SRBD1: variants seen among roughly 807,000 people sequenced by gnomAD.
SRBD1 encodes S1 RNA binding domain 1.
Under a neutral mutation model 115.3 loss-of-function variants are expected in SRBD1, and 88 were observed. The observed-to-expected ratio is 0.76, with a 90% CI of 0.64 to 0.91. The LOEUF (loss-of-function observed/expected upper bound fraction) is 0.91, where lower values mean the gene tolerates loss of function less well. Among genes scored for constraint, SRBD1 ranks in the 40% least tolerant of loss-of-function variants. SRBD1 has a pLI of 0.00. For missense variants in SRBD1, 1,385 were observed against 1,177.4 expected (o/e 1.18, Z -2.58); for synonymous variants, 509 against 407.7 (o/e 1.25, Z -2.99).
At chr2:45,505,091 A>G (rs1023720146) in intron 14 of SRBD1, among the ~76,000 whole-genome samples, 1 of 152,174 alleles carries the variant, frequency 6.6e-6, no homozygotes, top group South Asian at 2.1e-4. Flanking sequence ...TGCACTCTCA[A>G]AAATAAATGA....
intron 9 of SRBD1, among the ~76,000 whole-genome samples, chr2:45,568,294 G>A (rs867703862): frequency 4.1e-4 from 63 of 152,316 alleles, no homozygotes; most frequent in African/African-American, 1.5e-3. Context: ...AGTACTTGGA[G>A]AGAGTTCCAC....
At chr2:45,408,008 G>T (rs1667486326) in intron 19 of SRBD1, among the ~76,000 whole-genome samples, 1 of 152,060 alleles carries the variant, frequency 6.6e-6, no homozygotes, top group Admixed American at 6.6e-5. Context: ...AACATGAAAA[G>T]AAAGACATAA....
chr2:45,540,922 G>A (rs1010841208), intron 14 of SRBD1, among the ~76,000 whole-genome samples: 8 of 152,222 alleles, frequency 5.3e-5, no homozygotes, highest in Admixed American at 2.0e-4. Context: ...CTAGTGTTAC[G>A]GAATCCTTAG....
chr2:45,447,615 C>A (rs1270561661), intron 16 of SRBD1: 1 of 152,274 alleles, frequency 6.6e-6, no homozygotes, highest in Middle Eastern at 3.4e-3. Flanking sequence ...AAATTGGTTT[C>A]TTTTGCCAAA....
chr2:45,402,573 T>C (rs1667320108), intron 19 of SRBD1, among the ~76,000 whole-genome samples: 2 of 152,306 alleles, frequency 1.3e-5, no homozygotes, highest in Middle Eastern at 6.8e-3. Context: ...TAACCACTTA[T>C]AGAAACTAGT....
chr2:45,538,716 AC>A (rs1299384967), intron 14 of SRBD1, among the ~76,000 whole-genome samples: 2 of 152,234 alleles, frequency 1.3e-5, no homozygotes, highest in African/African-American at 2.4e-5. Context: ...CTTGTACCTT[AC>A]TGAGTCTATC....
chr2:45,452,797 G>C (rs963616622), intron 16 of SRBD1, among the ~76,000 whole-genome samples: 1 of 151,754 alleles, frequency 6.6e-6, no homozygotes, highest in African/African-American at 2.4e-5. Context: ...GTGGTGGGGG[G>C]GCGTAAGTTG....
chr2:45,596,719 A>C (rs1673906878), intron 4 of SRBD1, among the ~76,000 whole-genome samples: 1 of 152,202 alleles, frequency 6.6e-6, no homozygotes, highest in Non-Finnish European at 1.5e-5. Context: ...TCATCTATAA[A>C]TAAATGGTAA....
intron 16 of SRBD1, among the ~76,000 whole-genome samples, chr2:45,470,286 G>A (rs1669606818): frequency 6.6e-6 from 1 of 152,058 alleles, no homozygotes; most frequent in Non-Finnish European, 1.5e-5. Context: ...GAAAGAAAAT[G>A]CAAATTCCCA....
chr2:45,599,670 T>G lies in SRBD1; in HGVS notation c.427A>C (p.Ser143Arg). 1 of 1,614,258 alleles carries G rather than the reference T, an allele frequency of 6.2e-7. No individual in the cohort carries two copies. Among genetic ancestry groups the G allele is most frequent in the Non-Finnish European group, 8.5e-7 (1 of 1,180,046 alleles). The change falls in exon 4 of 21, where the codon AGC (serine) becomes CGC (arginine). Residue 143 changes from serine (S) to arginine (R), a missense_variant. Ser to Arg is a moderately radical substitution (Grantham distance 110, BLOSUM62 -1). Coordinates refer to ENST00000263736, the MANE Select transcript of SRBD1 (RefSeq NM_018079.5). Reference protein sequence around the residue: ...LKVEEETSKASNLEGESNSSE... With the variant: ...LKVEEETSKARNLEGESNSSE... ...CTATTACTCTCACCCTCTAAGTTGC[T>G]GGCTTTGCTGGTTTCTTCTTCAACT... is the stretch of plus-strand genomic sequence containing the variant.
At chr2:45,480,796 G>A (rs1336991227) in intron 15 of SRBD1, among the ~76,000 whole-genome samples, 1 of 151,746 alleles carries the variant, frequency 6.6e-6, no homozygotes, top group African/African-American at 2.4e-5. Context: ...AGCATCACAT[G>A]CTACAGAGAA....
At chr2:45,502,298 C>T (rs1195683511) in intron 14 of SRBD1, among the ~76,000 whole-genome samples, 2 of 152,190 alleles carry the variant, frequency 1.3e-5, no homozygotes, top group African/African-American at 2.4e-5. Flanking sequence ...AGTAGAAACA[C>T]CATTTGATTT....
chr2:45,562,526 C>A, intron 10 of SRBD1, 127 bp downstream of exon 10: 1 of 685,848 alleles, frequency 1.5e-6, no homozygotes, highest in South Asian at 3.1e-5. Context: ...GCCACCGCGC[C>A]CGGCCTGTCA....
intron 10 of SRBD1, among the ~76,000 whole-genome samples, chr2:45,561,545 C>T (rs1249117261): frequency 3.3e-5 from 5 of 152,188 alleles, no homozygotes; most frequent in Non-Finnish European, 7.3e-5. Context: ...ATCTCTTTAT[C>T]CTAAAGTTAC....
At chr2:45,500,244 G>C (rs1304595642) in intron 14 of SRBD1, among the ~76,000 whole-genome samples, 1 of 150,224 alleles carries the variant, frequency 6.7e-6, no homozygotes, top group East Asian at 1.9e-4. Context: ...GTGTGTGTGT[G>C]TGTGTGTTTG....
rs1673441946 is a variant in SRBD1 at position 45,583,996 on chromosome 2, T to A, written c.815+1612A>T. On this transcript the variant is annotated intron_variant, in intron 5 of 20. Coordinates refer to ENST00000263736, the MANE Select transcript of SRBD1 (RefSeq NM_018079.5). ...ACAACCAAATATTGTTAGACTACCC[T>A]TTAATTTTTTAAGCAAGCTTTTCTT... Among the ~76,000 whole-genome samples, 8 of 152,346 alleles carry A rather than the reference T, an allele frequency of 5.3e-5. No homozygotes were observed. In the South Asian group the frequency reaches 1.7e-3, roughly 32 times the overall value.
chr2:45,422,993 T>C (rs187489874), intron 16 of SRBD1, among the ~76,000 whole-genome samples: 3 of 152,302 alleles, frequency 2.0e-5, no homozygotes, highest in Admixed American at 2.0e-4. Context: ...AGAGAAAATG[T>C]TGACTCCAAT....
chr2:45,468,339 G>A (rs903574286), intron 16 of SRBD1, among the ~76,000 whole-genome samples: 4 of 150,620 alleles, frequency 2.7e-5, no homozygotes, highest in Admixed American at 1.3e-4. Flanking sequence ...TCCAGATGAT[G>A]AGCACAGTAT....
chr2:45,586,267 T>C (rs1426940544), intron 4 of SRBD1, among the ~76,000 whole-genome samples: 7 of 152,276 alleles, frequency 4.6e-5, no homozygotes, highest in Admixed American at 2.6e-4. Context: ...TTATTTATAA[T>C]AATTTTTTTT....
Sources: allele counts gnomAD v4.1 joint callset (sites outside exome capture counted in the v4.1 genomes callset), GRCh38; gene constraint gnomAD v4.1.1; transcripts MANE v1.5; gene names NCBI Gene and HGNC (gene_info 2026-07-23, HGNC 2026-07-21).